Variants in PPP1R13B observed in about 807,000 individuals in gnomAD.
The protein encoded by PPP1R13B is protein phosphatase 1 regulatory subunit 13B.
In PPP1R13B, 44 loss-of-function variants were observed where a neutral mutation model predicts 119.8. That is an observed-to-expected ratio of 0.37 (90% CI 0.29 to 0.47). The LOEUF (loss-of-function observed/expected upper bound fraction) is 0.47, where lower values mean the gene tolerates loss of function less well. PPP1R13B is among the 20% of genes least tolerant of loss of function. The pLI, the probability that PPP1R13B is intolerant of heterozygous loss-of-function variation, is 0.99. For synonymous variants in PPP1R13B, 542 were observed against 561.5 expected (o/e 0.97, Z 0.49); for missense variants, 1,227 against 1,413.5 (o/e 0.87, Z 2.12).
intron 1 of PPP1R13B, among the ~76,000 whole-genome samples, chr14:103,824,948 T>C (rs2086502113): frequency 8.4e-6 from 1 of 118,742 alleles, no homozygotes; most frequent in South Asian, 2.4e-4. Flanking sequence ...AGATATTGCA[T>C]TTTTTTTAAC....
intron 3 of PPP1R13B, among the ~76,000 whole-genome samples, chr14:103,779,711 T>C (rs562316610): frequency 1.4e-4 from 21 of 151,930 alleles, no homozygotes; most frequent in African/African-American, 4.3e-4. Context: ...AGCTTGAGCC[T>C]AGGAGGTAGA....
At chr14:103,824,609 T>C (rs1435829477) in intron 1 of PPP1R13B, among the ~76,000 whole-genome samples, 1 of 151,090 alleles carries the variant, frequency 6.6e-6, no homozygotes, top group Admixed American at 6.6e-5. Context: ...GGCACGAGAA[T>C]CGGTTGAACT....
chr14:103,843,245 G>A (rs1050637137), intron 1 of PPP1R13B, among the ~76,000 whole-genome samples: 10 of 152,000 alleles, frequency 6.6e-5, no homozygotes, highest in African/African-American at 2.2e-4. Flanking sequence ...ATGGTGGTGT[G>A]CACATGTAGT....
intron 8 of PPP1R13B, 62 bp from the exon 9 acceptor site, chr14:103,746,615 G>A: frequency 1.5e-6 from 2 of 1,358,194 alleles, no homozygotes; most frequent in South Asian, 1.6e-5. Flanking sequence ...CCTAAGCTTA[G>A]TGCAAGAGAC....
Position 103,847,362 on chromosome 14 carries a change from G to A in PPP1R13B, c.-55C>T, listed in dbSNP as rs1242734646. The A allele has an allele frequency of 3.5e-6, 4 of 1,145,572 alleles. No individual in the cohort carries two copies. The highest frequency in any genetic ancestry group is 1.7e-5 in the African/African-American group (1 of 59,874). 71.0% of individuals were successfully genotyped at this position (1,145,572 alleles called of 1,614,324 possible). A position where few individuals can be genotyped will look rare whatever the true frequency, so the allele number is the denominator to read the frequency against. On this transcript the variant is annotated 5_prime_UTR_variant, in exon 1 of 17. Coordinates refer to ENST00000202556, the MANE Select transcript of PPP1R13B (RefSeq NM_015316.3). ...GCCGCCTGACAGGACGCTCCGCGCC[G>A]AGCTGTGCCCACCGCTCCGGCCGCC...
chr14:103,755,109 A>G (rs2084645024), intron 5 of PPP1R13B, among the ~76,000 whole-genome samples: 1 of 151,808 alleles, frequency 6.6e-6, no homozygotes, highest in Non-Finnish European at 1.5e-5. Flanking sequence ...ACTCATCTAC[A>G]CCAGTTAATA....
rs565955959 is a variant in PPP1R13B at position 103,828,238 on chromosome 14, G to A, written c.9+19061C>T. ...AAAAAAATTAGCCAGACATGGTGGC[G>A]GGCACCTGTAATCCGAGCTACTTGA... On this transcript the variant is annotated intron_variant, in intron 1 of 16. Coordinates refer to ENST00000202556, the MANE Select transcript of PPP1R13B (RefSeq NM_015316.3). 1.8e-4 allele frequency among the ~76,000 whole-genome samples: 28 copies of A among 151,878 alleles called. 1 individual carries two copies. Among genetic ancestry groups the A allele is most frequent in the Admixed American group, 9.2e-4 (14 of 15,220 alleles).
intron 2 of PPP1R13B, among the ~76,000 whole-genome samples, chr14:103,789,866 T>C (rs1044907513): frequency 1.3e-5 from 2 of 152,162 alleles, no homozygotes; most frequent in Non-Finnish European, 2.9e-5. Context: ...ATTGTATTAG[T>C]GTTTATGTCT....
At chr14:103,818,396 C>T (rs60244731) in intron 1 of PPP1R13B, 1 of 766,384 alleles carries the variant, frequency 1.3e-6, no homozygotes. Flanking sequence ...TTTCATATTT[C>T]TATGACCATA....
chr14:103,754,237 C>T lies in PPP1R13B; in HGVS notation c.464G>A (p.Arg155His), dbSNP rs1407731656. ...CTCCTGTTGCTTTAGAAAATGTAAA[C>T]GCTGTTCCTAACAAAAGAAAGAAAA... ...QQQMLVAKEQ[R>H]LHFLKQQERR... The change falls in exon 6 of 17, where the codon CGT becomes CAT. Residue 155 changes from arginine (R) to histidine (H), a missense_variant. By Grantham distance (29) the Arg-to-His change is conservative. Transcript: ENST00000202556. 6 of 1,606,728 alleles carry T rather than the reference C, an allele frequency of 3.7e-6. No individual in the cohort carries two copies. The highest frequency in any genetic ancestry group is 2.2e-5 in the East Asian group (1 of 44,802).
chr14:103,794,745 T>C (rs1021543825), intron 2 of PPP1R13B: 1 of 336,436 alleles, frequency 3.0e-6, no homozygotes, highest in African/African-American at 2.2e-5. Flanking sequence ...CCTCTCCCTT[T>C]GATGGCATCC....
chr14:103,792,189 T>TGTGTGTGTGC (rs1725532347), intron 2 of PPP1R13B, among the ~76,000 whole-genome samples: 2 of 137,720 alleles, frequency 1.5e-5, no homozygotes, highest in South Asian at 4.5e-4. Context: ...TGTGTGTGTG[T>TGTGTGTGTGC]GTGTGTGTGT....
chr14:103,835,425 CTT>C (rs71126076), intron 1 of PPP1R13B, among the ~76,000 whole-genome samples: 26 of 125,300 alleles, frequency 2.1e-4, no homozygotes, highest in Non-Finnish European at 1.2e-4. Flanking sequence ...GCGCCCAGCA[CTT>C]TTTTTTTTTT....
chr14:103,733,291 A>C lies in PPP1R13B; in HGVS notation c.*1863T>G. ...GACTGAGCTACACTACTGCTAAACT[A>C]TTTTTAGCATAATATATACCATTTT... On this transcript the variant is annotated 3_prime_UTR_variant, in exon 17 of 17. Coordinates refer to ENST00000202556, the MANE Select transcript of PPP1R13B (RefSeq NM_015316.3). The C allele has an allele frequency of 2.3e-6, 1 of 434,254 alleles. No individual in the cohort carries two copies. Among genetic ancestry groups the C allele is most frequent in the Non-Finnish European group, 4.2e-6 (1 of 240,696 alleles). The allele number at this position is 434,254 out of a possible 1,614,324, so 26.9% of individuals were successfully genotyped here. A position where few individuals can be genotyped will look rare whatever the true frequency, so the allele number is the denominator to read the frequency against.
intron 1 of PPP1R13B, among the ~76,000 whole-genome samples, chr14:103,805,621 AAAGAC>A (rs1470574516): frequency 1.3e-5 from 2 of 152,130 alleles, no homozygotes; most frequent in Admixed American, 1.3e-4. Context: ...AGAGAAAAGG[AAAGAC>A]AAGACAAAAC....
chr14:103,756,460 T>G (rs972412249), intron 5 of PPP1R13B, among the ~76,000 whole-genome samples: 5 of 152,202 alleles, frequency 3.3e-5, no homozygotes, highest in African/African-American at 1.2e-4. Context: ...ACATCTGATG[T>G]TTCAATTAAA....
At chr14:103,833,133 G>A (rs762109041) in intron 1 of PPP1R13B, among the ~76,000 whole-genome samples, 4 of 152,086 alleles carry the variant, frequency 2.6e-5, no homozygotes, top group Non-Finnish European at 4.4e-5. Context: ...TGGCTAAAAT[G>A]GTAACTCATA....
chr14:103,767,451 G>C (rs2084963222), intron 4 of PPP1R13B, among the ~76,000 whole-genome samples: 1 of 151,944 alleles, frequency 6.6e-6, no homozygotes, highest in Non-Finnish European at 1.5e-5. Context: ...GAGATTCCAG[G>C]AGTTGTGACA....
At chr14:103,754,810 C>T (rs1349982433) in intron 5 of PPP1R13B, among the ~76,000 whole-genome samples, 4 of 150,898 alleles carry the variant, frequency 2.7e-5, no homozygotes, top group African/African-American at 4.9e-5. Flanking sequence ...GACGGAGTCT[C>T]GCTCTGTTGC....
Sources: gnomAD v4.1 joint callset for allele counts (sites outside exome capture counted in the v4.1 genomes callset) on GRCh38, gnomAD v4.1.1 for gene constraint, MANE v1.5 for transcripts, NCBI Gene and HGNC (gene_info 2026-07-23, HGNC 2026-07-21) for gene names.